The following TOP2A variants were observed in gnomAD, a reference collection of about 807,000 sequenced individuals.
TOP2A encodes DNA topoisomerase II alpha.
Under a neutral mutation model 187.2 loss-of-function variants are expected in TOP2A, and 68 were observed. That is an observed-to-expected ratio of 0.36 (90% CI 0.30 to 0.44). The LOEUF (loss-of-function observed/expected upper bound fraction) is 0.44. Among genes scored for constraint, TOP2A ranks in the 20% least tolerant of loss-of-function variants. TOP2A has a pLI of 1.00. For synonymous variants in TOP2A, 542 were observed against 593.2 expected, an observed-to-expected ratio of 0.91 and a Z score of 1.25; for missense variants, 1,196 against 1,808.7, an observed-to-expected ratio of 0.66 and a Z score of 6.14.
rs765547935 is a variant in TOP2A, at chr17:40,411,546, AAGCT to A, written c.963+95_964-92del. 5.2e-6 allele frequency: 8 copies of A among 1,539,600 alleles called. No individual in the cohort carries two copies. The East Asian group carries it at 1.8e-4, about 35-fold the overall frequency. On this transcript the variant is annotated intron_variant, in intron 8 of 34. Coordinates refer to ENST00000423485, the MANE Select transcript of TOP2A (RefSeq NM_001067.4). This position sits in a 1 kb window ranked among gnomAD's most constrained non-coding sequence, Gnocchi z 4.4. ...AAACTAATTTAACCTCCTTTATACT[AAGCT>A]AGCCCAATATTCAAGTCCACTTTAT...
At chr17:40,407,064 G>A in intron 13 of TOP2A, 122 bp from the exon 14 acceptor site, 1 of 664,684 alleles carries the variant, frequency 1.5e-6, no homozygotes, top group African/African-American at 1.8e-5. Flanking sequence ...AGGCGTTCGA[G>A]ACCAGCCTGG....
chr17:40,416,499 TA>T lies in TOP2A; in HGVS notation c.190del (p.Tyr64ThrfsTer26). 1 of 1,602,282 alleles carries T rather than the reference TA, an allele frequency of 6.2e-7. No homozygotes were observed. The highest frequency in any genetic ancestry group is 8.5e-7 in the Non-Finnish European group (1 of 1,173,082). On this transcript the variant is annotated frameshift_variant, in exon 3 of 35. Coordinates refer to ENST00000423485, the MANE Select transcript of TOP2A (RefSeq NM_001067.4). LOFTEE classifies it high-confidence loss of function. ...VELVTQQMWV[Y>X]DEDVGINYRE... ...ATAGTTAATGCCAACATCTTCATCG[TA>T]AACCCACATTTGCTAGAAATAAGGC...
chr17:40,408,061 G>C lies in TOP2A; in HGVS notation c.1406C>G (p.Ala469Gly). ...CCCAACCACACCAAGGCCTGAAACA[G>C]CCAAAGTTTTGGCTGAATCTCCCTC... ...LTEGDSAKTL[A>G]VSGLGVVGRD... The change falls in exon 12 of 35, where the codon GCT becomes GGT. Residue 469 changes from alanine (A) to glycine (G), a missense_variant. Around this residue, in one of 10 missense-constraint regions of TOP2A, gnomAD observed 252 missense variants for 434.8 expected, o/e 0.58. Transcript: ENST00000423485. 1 of 1,613,284 alleles carries C rather than the reference G, an allele frequency of 6.2e-7. No individual in the cohort carries two copies. The highest frequency in any genetic ancestry group is 8.5e-7 in the Non-Finnish European group (1 of 1,179,510).
intron 17 of TOP2A, 123 bp from the exon 18 acceptor site, chr17:40,404,614 G>A (rs1203338045): frequency 2.8e-6 from 2 of 705,520 alleles, no homozygotes; most frequent in East Asian, 5.5e-5. Flanking sequence ...AAAAAATATT[G>A]AATAATACAG....
chr17:40,394,386 G>T (rs2035064158), intron 29 of TOP2A, among the ~76,000 whole-genome samples: 1 of 152,212 alleles, frequency 6.6e-6, no homozygotes, highest in South Asian at 2.1e-4. Context: ...AGGCTGGAGT[G>T]CAATGGCACA....
intron 33 of TOP2A, among the ~76,000 whole-genome samples, chr17:40,390,939 A>G (rs907082849): frequency 1.3e-5 from 2 of 150,384 alleles, no homozygotes; most frequent in African/African-American, 4.9e-5. Flanking sequence ...ACTTAATTCA[A>G]TTTCAAGAAT....
Position 40,411,726 on chromosome 17 carries a change from G to A in TOP2A, c.882C>T (p.Asn294=). ...NSLKVIHEQV[N]HRWEVCLTMS... ...TAGTTAAACACACTTCCCACCTGTGGTTTACTTGTTCATGTATTACTTTCA... is the reference window on the plus strand; with the variant it reads ...TAGTTAAACACACTTCCCACCTGTGATTTACTTGTTCATGTATTACTTTCA... The change falls in exon 8 of 35, where the codon AAC becomes AAT. Residue 294 remains asparagine (N), a synonymous_variant. Transcript: ENST00000423485. The surrounding 1 kb of genome is among the most constrained non-coding windows in gnomAD (Gnocchi z 4.4). 6.2e-7 allele frequency: 1 copy of A among 1,613,034 alleles called. No individual in the cohort carries two copies. Among genetic ancestry groups the A allele is most frequent in the Non-Finnish European group, 8.5e-7 (1 of 1,179,600 alleles).
In TOP2A at chr17:40,401,164, C is replaced by T; in HGVS notation, c.2433-83G>A. 2.5e-6 allele frequency: 3 copies of T among 1,198,048 alleles called. No homozygotes were observed. The East Asian group carries it at 7.6e-5, about 30-fold the overall frequency. The allele number at this position is 1,198,048 out of a possible 1,614,324, so 74.2% of individuals were successfully genotyped here. On this transcript the variant is annotated intron_variant, in intron 20 of 34. Transcript: ENST00000423485. ...TTTTATGGAAAGGACATGTATTATA[C>T]ATGAAAATTATCTTGGTTTTACTTG...
At chr17:40,394,172 A>T (rs1033575698) in intron 29 of TOP2A, among the ~76,000 whole-genome samples, 1 of 148,540 alleles carries the variant, frequency 6.7e-6, no homozygotes, top group African/African-American at 2.5e-5. Flanking sequence ...ACCACATATT[A>T]TATGATTTAA....
chr17:40,413,716 A>G (rs1162741108), intron 4 of TOP2A, 91 bp from the exon 5 acceptor site: 2 of 691,426 alleles, frequency 2.9e-6, no homozygotes, highest in African/African-American at 3.7e-5. Context: ...TTTCTAAAAT[A>G]TGTATATTCA....
In TOP2A at chr17:40,411,922, T is replaced by C. The variant is rs570668753; in HGVS notation, c.790-104A>G. 2.3e-5 allele frequency: 22 copies of C among 948,572 alleles called. No homozygotes were observed. The highest frequency in any genetic ancestry group is 3.3e-5 in the African/African-American group (2 of 60,150). 58.8% of individuals were successfully genotyped at this position (948,572 alleles called of 1,614,324 possible). ...AAACCAATGCAATGATGTTCACTGA[T>C]AGGCATAAGGGAATGGTCATTAAAG... On this transcript the variant is annotated intron_variant, in intron 7 of 34. Coordinates refer to ENST00000423485, the MANE Select transcript of TOP2A (RefSeq NM_001067.4). The surrounding 1 kb of genome is among the most constrained non-coding windows in gnomAD (Gnocchi z 4.4).
At chr17:40,407,026 G>A in intron 13 of TOP2A, 84 bp from the exon 14 acceptor site, 1 of 1,089,378 alleles carries the variant, frequency 9.2e-7, no homozygotes, top group Non-Finnish European at 1.3e-6. Flanking sequence ...AACTTTGGGA[G>A]GCCGAGGCAG....
At chr17:40,398,110 CTTTTTTTTTTT>C (rs1048890086) in intron 27 of TOP2A, among the ~76,000 whole-genome samples, 1 of 127,650 alleles carries the variant, frequency 7.8e-6, no homozygotes, top group African/African-American at 3.0e-5. Flanking sequence ...TAATCTGTCC[CTTTTTTTTTTT>C]TTTTTTTTTT....
rs770391422 is a variant in TOP2A at position 40,390,147 on chromosome 17, T to C, written c.4285A>G (p.Thr1429Ala). The change falls in exon 34 of 35, where the codon ACT becomes GCT. Residue 1429 changes from threonine (T) to alanine (A), a missense_variant. Physicochemically the swap from Thr to Ala is moderately conservative, Grantham distance 58. Transcript: ENST00000423485. ...GCAGCCCTTTTTTTGGCACCGGTAGTGGAGGTGGAAGACTGACCTGCAATT... is the reference window on the plus strand; with the variant it reads ...GCAGCCCTTTTTTTGGCACCGGTAGCGGAGGTGGAAGACTGACCTGCAATT... ...TAAKSQSSTSTTGAKKRAAPK... is the reference protein window; with the variant it reads ...TAAKSQSSTSATGAKKRAAPK... 37 of 1,612,560 alleles carry C rather than the reference T, an allele frequency of 2.3e-5. No individual in the cohort carries two copies. Among genetic ancestry groups the C allele is most frequent in the Non-Finnish European group, 3.1e-5 (36 of 1,179,414 alleles).
intron 4 of TOP2A, among the ~76,000 whole-genome samples, chr17:40,414,479 G>A (rs1301425388): frequency 1.3e-5 from 2 of 152,134 alleles, no homozygotes; most frequent in Non-Finnish European, 2.9e-5. Flanking sequence ...TGGGATTACA[G>A]GAGTGAGTCA....
intron 22 of TOP2A, 47 bp downstream of exon 22, chr17:40,400,482 T>C (rs1269249510): frequency 2.5e-6 from 4 of 1,600,130 alleles, no homozygotes; most frequent in Middle Eastern, 3.3e-4. Flanking sequence ...GTACAAAAGG[T>C]ATTTCTTTTG....
At chr17:40,398,165 GT>G (rs1347838341) in intron 27 of TOP2A, among the ~76,000 whole-genome samples, 1 of 144,010 alleles carries the variant, frequency 6.9e-6, no homozygotes, top group African/African-American at 2.6e-5. Context: ...CTAGGCTGGA[GT>G]GCAGTGGTGT....
chr17:40,415,325 A>C (rs912113896), intron 4 of TOP2A, among the ~76,000 whole-genome samples: 1 of 152,142 alleles, frequency 6.6e-6, no homozygotes, highest in Non-Finnish European at 1.5e-5. Flanking sequence ...AAGTGCTGGG[A>C]TCACAGGCAT....
intron 20 of TOP2A, 68 bp downstream of exon 20, chr17:40,402,838 G>A (rs2035198105): frequency 2.0e-6 from 3 of 1,489,446 alleles, no homozygotes; most frequent in Non-Finnish European, 2.7e-6. Flanking sequence ...TGTATTTTTG[G>A]TGAACTAAAT....
Sources: gnomAD v4.1 joint callset for allele counts (sites outside exome capture counted in the v4.1 genomes callset) on GRCh38, gnomAD v4.1.1 for gene constraint, gnomAD v4.1.1 regional missense constraint, Gnocchi (gnomAD v3.1) non-coding constraint, MANE v1.5 for transcripts, NCBI Gene and HGNC (gene_info 2026-07-23, HGNC 2026-07-21) for gene names.